Variants in DCTN4 observed in about 807,000 individuals in gnomAD.
The protein encoded by DCTN4 is dynactin 4 (p62).
In DCTN4, 23 loss-of-function variants were observed where a neutral mutation model predicts 62.7. That is an observed-to-expected ratio of 0.37 (90% CI 0.26 to 0.52). DCTN4 has a LOEUF of 0.52. Among genes scored for constraint, DCTN4 ranks in the 20% least tolerant of loss-of-function variants. The pLI, the probability that DCTN4 is intolerant of heterozygous loss-of-function variation, is 0.92. For missense variants in DCTN4, 514 were observed against 580.4 expected, an observed-to-expected ratio of 0.89 and a Z score of 1.18; for synonymous variants, 199 against 202.1, an observed-to-expected ratio of 0.98 and a Z score of 0.13.
chr5:150,758,694 C>A (rs976138303), intron 1 of DCTN4, 165 bp downstream of exon 1: 1 of 1,323,318 alleles, frequency 7.6e-7, no homozygotes, highest in Non-Finnish European at 1.0e-6. Context: ...TCCTCCTTTC[C>A]AAGTGACAGA....
intron 4 of DCTN4, chr5:150,734,285 A>G (rs1760493770): frequency 6.6e-6 from 1 of 152,212 alleles, no homozygotes; most frequent in Non-Finnish European, 1.5e-5. Flanking sequence ...AATCCATGAG[A>G]CAGCAGAAAA....
chr5:150,757,971 A>C, intron 1 of DCTN4: 1 of 757,206 alleles, frequency 1.3e-6, no homozygotes, highest in Non-Finnish European at 1.6e-6. Context: ...TTTTTTAAAA[A>C]AAGTATCCAC....
intron 4 of DCTN4, among the ~76,000 whole-genome samples, chr5:150,741,630 G>C (rs573394857): frequency 1.3e-5 from 2 of 151,934 alleles, no homozygotes; most frequent in South Asian, 4.1e-4. Context: ...ATAGGCATGC[G>C]CCACCACACT....
At chr5:150,741,571 C>T (rs1185131828) in intron 4 of DCTN4, among the ~76,000 whole-genome samples, 1 of 152,114 alleles carries the variant, frequency 6.6e-6, no homozygotes, top group African/African-American at 2.4e-5. Context: ...GACTCGAAAA[C>T]CTAGGCTAAA....
chr5:150,730,836 G>A lies in DCTN4; in HGVS notation c.725-96C>T, dbSNP rs1027373402. Reference sequence around the variant, plus strand: ...TTACACGAAGCATTACTGCCTTTACGAACAGTGTTGTTCATAAAAATGAAA... The same window carrying A: ...TTACACGAAGCATTACTGCCTTTACAAACAGTGTTGTTCATAAAAATGAAA... On this transcript the variant is annotated intron_variant, in intron 7 of 12. Transcript: ENST00000447998. 2.1e-5 allele frequency: 22 copies of A among 1,034,412 alleles called. No individual in the cohort carries two copies. In the African/African-American group the frequency reaches 2.2e-4, roughly 10 times the overall value. 64.1% of individuals were successfully genotyped at this position (1,034,412 alleles called of 1,614,324 possible).
intron 4 of DCTN4, among the ~76,000 whole-genome samples, chr5:150,737,576 T>C (rs887910611): frequency 2.0e-5 from 3 of 152,114 alleles, no homozygotes; most frequent in African/African-American, 4.8e-5. Context: ...TGCATGATAA[T>C]AGTGAGACAC....
At chr5:150,718,196 G>T in intron 11 of DCTN4, 80 bp downstream of exon 11, 2 of 885,752 alleles carry the variant, frequency 2.3e-6, no homozygotes, top group Non-Finnish European at 3.6e-6. Context: ...AGGAGAGTGT[G>T]TGGAGTCTTT....
intron 5 of DCTN4, among the ~76,000 whole-genome samples, chr5:150,732,352 T>C (rs939338841): frequency 1.3e-5 from 2 of 152,212 alleles, no homozygotes; most frequent in African/African-American, 4.8e-5. Flanking sequence ...GGTTTCGCCA[T>C]GTTGGCCAGA....
At chr5:150,744,382 G>A (rs1411735289) in intron 3 of DCTN4, among the ~76,000 whole-genome samples, 1 of 151,810 alleles carries the variant, frequency 6.6e-6, no homozygotes, top group African/African-American at 2.4e-5. Flanking sequence ...TATTATCCAG[G>A]AGAACTTCCC....
intron 2 of DCTN4, among the ~76,000 whole-genome samples, chr5:150,753,860 C>G (rs1012216943): frequency 1.3e-5 from 2 of 152,096 alleles, no homozygotes; most frequent in Admixed American, 6.5e-5. Context: ...AGAATTAGAG[C>G]CCAACCCAAT....
chr5:150,757,578 T>C lies in DCTN4; in HGVS notation c.136-1091A>G, dbSNP rs373037549. On this transcript the variant is annotated intron_variant, in intron 1 of 12. Transcript: ENST00000447998. ...GCACTCTATTCACCACAGGAGAATA[T>C]GATCCAATAAATTCTGGAGGTGGAG... Among the ~76,000 whole-genome samples the C allele has an allele frequency of 9.9e-5, 15 of 152,250 alleles. No homozygotes were observed. The East Asian group carries it at 2.1e-3, about 22-fold the overall frequency.
At position 150,743,755 on chromosome 5, in the gene DCTN4, G is replaced by A. The variant is rs534339269; in HGVS notation, c.386-1598C>T. On this transcript the variant is annotated intron_variant, in intron 3 of 12. Coordinates refer to ENST00000447998, the MANE Select transcript of DCTN4 (RefSeq NM_016221.4). ...AGCTGAGGGTCCTGTCTGTTAGAAG[G>A]AAAACTAACAAACAGAAAGGACATC... Among the ~76,000 whole-genome samples the A allele has an allele frequency of 3.3e-3, 507 of 152,290 alleles. 1 individual carries two copies. Among genetic ancestry groups the A allele is most frequent in the Non-Finnish European group, 6.1e-3 (416 of 68,032 alleles).
At chr5:150,734,517 C>CT (rs777350628) in intron 4 of DCTN4, 1 of 152,230 alleles carries the variant, frequency 6.6e-6, no homozygotes, top group Non-Finnish European at 1.5e-5. Flanking sequence ...TCATTTCTGA[C>CT]TTTAATCTCA....
At chr5:150,753,725 A>AT (rs1369545469) in intron 2 of DCTN4, 68 bp from the exon 3 acceptor site, 10 of 1,488,194 alleles carry the variant, frequency 6.7e-6, no homozygotes, top group African/African-American at 1.4e-5. Flanking sequence ...GAGAACAAAT[A>AT]TAAGGACAAG....
At chr5:150,713,108 ATT>A (rs1759628508) in intron 12 of DCTN4, among the ~76,000 whole-genome samples, 2 of 152,360 alleles carry the variant, frequency 1.3e-5, no homozygotes, top group South Asian at 4.1e-4. Flanking sequence ...AACTCAGCAC[ATT>A]TTGTATTACA....
chr5:150,726,413 T>G (rs1471049913), intron 8 of DCTN4, among the ~76,000 whole-genome samples: 3 of 152,154 alleles, frequency 2.0e-5, no homozygotes, highest in African/African-American at 7.2e-5. Context: ...ATTGTGTAGT[T>G]TAAAACATAT....
chr5:150,727,551 C>T (rs1432488701), intron 8 of DCTN4, among the ~76,000 whole-genome samples: 2 of 151,724 alleles, frequency 1.3e-5, no homozygotes, highest in African/African-American at 2.4e-5. Context: ...CCGAGGCGGG[C>T]GGATCACGAG....
At chr5:150,715,698 G>C in intron 11 of DCTN4, 36 bp from the exon 12 acceptor site, 1 of 1,542,164 alleles carries the variant, frequency 6.5e-7, no homozygotes, top group Non-Finnish European at 9.0e-7. Context: ...CCTGAGAAGG[G>C]ACCAGTGTGA....
In DCTN4 at chr5:150,759,009, G is replaced by A. The variant is rs767632303; in HGVS notation, c.-16C>T. 8 of 1,612,070 alleles carry A rather than the reference G, an allele frequency of 5.0e-6. No homozygotes were observed. Among genetic ancestry groups the A allele is most frequent in the Non-Finnish European group, 5.9e-6 (7 of 1,178,556 alleles). On this transcript the variant is annotated 5_prime_UTR_variant, in exon 1 of 13. Transcript: ENST00000447998. Reference sequence around the variant, plus strand: ...AGGACGCCATCTTGGGGAGGGAGGAGGCGATGACGCTCCCGGCGCATCACG... The same window carrying A: ...AGGACGCCATCTTGGGGAGGGAGGAAGCGATGACGCTCCCGGCGCATCACG...
Sources: allele counts gnomAD v4.1 joint callset (sites outside exome capture counted in the v4.1 genomes callset), GRCh38; gene constraint gnomAD v4.1.1; transcripts MANE v1.5; gene names NCBI Gene and HGNC (gene_info 2026-07-23, HGNC 2026-07-21).